Variants in ILF2 observed in about 807,000 individuals in gnomAD.
ILF2 encodes the protein interleukin enhancer-binding factor 2.
ILF2 carries 9 observed loss-of-function variants against 55.3 expected under a neutral mutation model. That is an observed-to-expected ratio of 0.16 (90% CI 0.10 to 0.28). The LOEUF (loss-of-function observed/expected upper bound fraction) is 0.28. ILF2 is among the 10% of genes least tolerant of loss of function. ILF2 has a pLI of 1.00. For missense variants in ILF2, 266 were observed against 474.9 expected (o/e 0.56, Z 4.09); for synonymous variants, 151 against 161.8 (o/e 0.93, Z 0.50).
chr1:153,670,346 C>CA lies in ILF2; in HGVS notation c.6-117dup, dbSNP rs1387374490. ...CCAACGGTAGGCAAGAGACCCCACT[C>CA]ACACTTACACTTGTCCCCATTCCAA... is the stretch of plus-strand genomic sequence containing the variant. On this transcript the variant is annotated intron_variant, in intron 1 of 13. Coordinates refer to ENST00000361891, the MANE Select transcript of ILF2 (RefSeq NM_004515.4). 12 of 929,812 alleles carry CA rather than the reference C, an allele frequency of 1.3e-5. No individual in the cohort carries two copies. The African/African-American group carries it at 2.0e-4, about 15-fold the overall frequency. 57.6% of individuals were successfully genotyped at this position (929,812 alleles called of 1,614,324 possible).
chr1:153,670,520 C>A (rs1292826388), intron 1 of ILF2, among the ~76,000 whole-genome samples: 1 of 152,194 alleles, frequency 6.6e-6, no homozygotes, highest in Non-Finnish European at 1.5e-5. Context: ...TTGCTCATTT[C>A]TTCACTAAGG....
intron 10 of ILF2, among the ~76,000 whole-genome samples, chr1:153,663,612 C>T (rs1669231316): frequency 6.6e-6 from 1 of 151,864 alleles, no homozygotes; most frequent in South Asian, 2.1e-4. Flanking sequence ...GGATTACAGG[C>T]ATCAAACTAA....
At chr1:153,666,582 G>A (rs1157564820) in intron 6 of ILF2, among the ~76,000 whole-genome samples, 1 of 151,824 alleles carries the variant, frequency 6.6e-6, no homozygotes, top group East Asian at 1.9e-4. Context: ...AAACTCCTGG[G>A]GTCAAGTGAT....
In ILF2 at chr1:153,662,565, G is replaced by C; in HGVS notation, c.1013-9C>G. On this transcript the variant is annotated splice_polypyrimidine_tract_variant and intron_variant, in intron 13 of 13. Coordinates refer to ENST00000361891, the MANE Select transcript of ILF2 (RefSeq NM_004515.4). Reference sequence around the variant, plus strand: ...TATTTCAGAAGCAAGATCTAGGAAAGAGAAAAAGGTGATTTAGACGAGTAG... The same window carrying C: ...TATTTCAGAAGCAAGATCTAGGAAACAGAAAAAGGTGATTTAGACGAGTAG... 2.5e-6 allele frequency: 4 copies of C among 1,612,542 alleles called. No homozygotes were observed. Among genetic ancestry groups the C allele is most frequent in the East Asian group, 4.5e-5 (2 of 44,876 alleles).
At position 153,664,291 on chromosome 1, in the gene ILF2, G is replaced by A. The variant is rs544114317; in HGVS notation, c.656+105C>T. On this transcript the variant is annotated intron_variant, in intron 9 of 13. Coordinates refer to ENST00000361891, the MANE Select transcript of ILF2 (RefSeq NM_004515.4). ...AAGGTAAAAATAAAAATCCAGACAC[G>A]AGGTCACAGGCAAAATAGTTCTGTC... The A allele has an allele frequency of 3.1e-4, 339 of 1,099,020 alleles. 1 individual carries two copies. The African/African-American group carries it at 4.8e-3, about 15-fold the overall frequency. The allele number at this position is 1,099,020 out of a possible 1,614,324, so 68.1% of individuals were successfully genotyped here.
At position 153,667,333 on chromosome 1, in the gene ILF2, C is replaced by G. The variant is rs563665345; in HGVS notation, c.394+222G>C. The G allele has an allele frequency of 2.3e-5, 13 of 562,018 alleles. No homozygotes were observed. The East Asian group carries it at 3.7e-4, about 16-fold the overall frequency. The allele number at this position is 562,018 out of a possible 1,614,324, so 34.8% of individuals were successfully genotyped here. A position where few individuals can be genotyped will look rare whatever the true frequency, so the allele number is the denominator to read the frequency against. On this transcript the variant is annotated intron_variant, in intron 6 of 13. Transcript: ENST00000361891. Reference sequence around the variant, plus strand: ...TATCTACAAAAAATACAAAAATTAGCTGGGTGTGGTAGCACACATCTGTAG... The same window carrying G: ...TATCTACAAAAAATACAAAAATTAGGTGGGTGTGGTAGCACACATCTGTAG...
At chr1:153,669,599 C>T (rs1669393770) in intron 3 of ILF2, among the ~76,000 whole-genome samples, 2 of 152,068 alleles carry the variant, frequency 1.3e-5, no homozygotes, top group African/African-American at 4.8e-5. Flanking sequence ...TAGACACATG[C>T]CCAGCCAACT....
chr1:153,668,626 T>C lies in ILF2; in HGVS notation c.109-69A>G, dbSNP rs546387290. 4.7e-6 allele frequency: 7 copies of C among 1,504,386 alleles called. No individual in the cohort carries two copies. In the Admixed American group the frequency reaches 1.7e-4, roughly 36 times the overall value. The allele number at this position is 1,504,386 out of a possible 1,614,324, so 93.2% of individuals were successfully genotyped here. Reference sequence around the variant, plus strand: ...TATACAGGAGAGATTGTTTTTTCTATTACTACGACAGAAAAAGGTTAAAAA... The same window carrying C: ...TATACAGGAGAGATTGTTTTTTCTACTACTACGACAGAAAAAGGTTAAAAA... On this transcript the variant is annotated intron_variant, in intron 3 of 13. Transcript: ENST00000361891.
intron 3 of ILF2, among the ~76,000 whole-genome samples, chr1:153,669,586 GA>G (rs1170420606): frequency 2.6e-5 from 4 of 152,106 alleles, no homozygotes; most frequent in Non-Finnish European, 5.9e-5. Context: ...AAGTAGCTGG[GA>G]TTAGACACAT....
intron 6 of ILF2, 34 bp downstream of exon 6, chr1:153,667,521 T>G (rs1669342724): frequency 7.1e-7 from 1 of 1,404,676 alleles, no homozygotes; most frequent in Non-Finnish European, 1.0e-6. Context: ...AAGTGCTATG[T>G]TCTGTTCCCA....
At chr1:153,664,609 G>A in intron 8 of ILF2, 135 bp from the exon 9 acceptor site, 1 of 693,218 alleles carries the variant, frequency 1.4e-6, no homozygotes. Flanking sequence ...AGGCTGGATT[G>A]CGTACAGTGG....
intron 12 of ILF2, 33 bp downstream of exon 12, chr1:153,662,986 G>T (rs2101711565): frequency 2.6e-6 from 4 of 1,555,888 alleles, no homozygotes; most frequent in Non-Finnish European, 3.5e-6. Context: ...AAAGAGTGGG[G>T]CAAAACAACT....
chr1:153,665,712 G>A lies in ILF2; in HGVS notation c.411C>T (p.Ala137=). Residue 137 remains alanine, a synonymous_variant, in exon 7 of 14, where the codon GCC becomes GCT. Transcript: ENST00000361891. ...GGCTTTCCACGACTTTGTTCCCCAGGGCAGCAACAGCTTCCACTAATTGAC... is the reference window on the plus strand; with the variant it reads ...GGCTTTCCACGACTTTGTTCCCCAGAGCAGCAACAGCTTCCACTAATTGAC... ...KILPTLEAVA[A]LGNKVVESLR... The A allele has an allele frequency of 1.9e-6, 3 of 1,608,156 alleles. No homozygotes were observed. Among genetic ancestry groups the A allele is most frequent in the Non-Finnish European group, 8.5e-7 (1 of 1,177,910 alleles).
intron 4 of ILF2, 113 bp from the exon 5 acceptor site, chr1:153,668,190 G>T: frequency 1.2e-6 from 1 of 822,504 alleles, no homozygotes; most frequent in Non-Finnish European, 1.9e-6. Context: ...ACTGACATAG[G>T]GCTTTAAAAA....
At chr1:153,670,350 CT>C in intron 1 of ILF2, 120 bp from the exon 2 acceptor site, 1 of 895,746 alleles carries the variant, frequency 1.1e-6, no homozygotes, top group South Asian at 1.4e-5. Context: ...CCCACTCACA[CT>C]TACACTTGTC....
At position 153,666,181 on chromosome 1, in the gene ILF2, TTTTC is replaced by T. The variant is rs139419519; in HGVS notation, c.395-457_395-454del. On this transcript the variant is annotated intron_variant, in intron 6 of 13. Coordinates refer to ENST00000361891, the MANE Select transcript of ILF2 (RefSeq NM_004515.4). ...CTCTCACCTCAGGCTGCTGCTTTTT[TTTTC>T]TTTTTTTCTTATTTTTGAGACAGGG... Among the ~76,000 whole-genome samples, 403 of 152,006 alleles carry T rather than the reference TTTTC, an allele frequency of 2.7e-3. 2 individuals are homozygous for T. The highest frequency in any genetic ancestry group is 9.4e-3 in the African/African-American group (388 of 41,486).
In ILF2 at chr1:153,662,908, T is replaced by A. The variant is rs150291561; in HGVS notation, c.921+111A>T. 80 of 1,322,132 alleles carry A rather than the reference T, an allele frequency of 6.1e-5. No homozygotes were observed. The African/African-American group carries it at 1.1e-3, about 19-fold the overall frequency. 81.9% of individuals were successfully genotyped at this position (1,322,132 alleles called of 1,614,324 possible). The stretch of plus-strand genomic sequence containing the variant: ...TTTTTAAATCTCAGGACCAAAGTCT[T>A]TCAGAATCCCCAAATTCCTGACCCG... On this transcript the variant is annotated intron_variant, in intron 12 of 13. Transcript: ENST00000361891.
intron 5 of ILF2, 85 bp from the exon 6 acceptor site, chr1:153,667,742 C>T: frequency 1.1e-6 from 1 of 907,652 alleles, no homozygotes; most frequent in South Asian, 1.6e-5. Flanking sequence ...AACACAGCTA[C>T]CTGTTACCCA....
At chr1:153,670,058 A>G in intron 2 of ILF2, 113 bp downstream of exon 2, 1 of 1,189,644 alleles carries the variant, frequency 8.4e-7, no homozygotes, top group South Asian at 1.2e-5. Flanking sequence ...GCAGGAAAAG[A>G]CCACAGTTGG....
Sources: gnomAD v4.1 joint callset for allele counts (sites outside exome capture counted in the v4.1 genomes callset) on GRCh38, gnomAD v4.1.1 for gene constraint, MANE v1.5 for transcripts, NCBI Gene and HGNC (gene_info 2026-07-23, HGNC 2026-07-21) for gene names.